STARD3NL: variants seen among roughly 807,000 people sequenced by gnomAD.
The protein encoded by STARD3NL is STARD3 N-terminal like.
A neutral mutation model predicts 30.9 loss-of-function variants in STARD3NL; 17 were observed. That is an observed-to-expected ratio of 0.55 (90% confidence interval 0.38 to 0.82). STARD3NL has a LOEUF of 0.82. Ranked by LOEUF, STARD3NL falls within the 40% of genes least tolerant of loss-of-function variation. The pLI, the probability that STARD3NL is intolerant of heterozygous loss-of-function variation, is 0.00. For missense variants in STARD3NL, 234 were observed against 277.6 expected, an observed-to-expected ratio of 0.84 and a Z score of 1.12; for synonymous variants, 112 against 100.5, an observed-to-expected ratio of 1.11 and a Z score of -0.69.
intron 1 of STARD3NL, chr7:38,198,393 A>C (rs554765123): frequency 3.3e-5 from 5 of 152,172 alleles, no homozygotes; most frequent in Non-Finnish European, 7.3e-5. Flanking sequence ...TGGTGATTCT[A>C]TATCTTTTGA....
At chr7:38,221,425 AT>A (rs1353877615) in intron 7 of STARD3NL, among the ~76,000 whole-genome samples, 1 of 151,942 alleles carries the variant, frequency 6.6e-6, no homozygotes, top group Non-Finnish European at 1.5e-5. Context: ...TGTCTAACCT[AT>A]TTTCATATTC....
intron 1 of STARD3NL, among the ~76,000 whole-genome samples, chr7:38,200,383 C>A (rs1785119432): frequency 1.3e-5 from 2 of 152,092 alleles, no homozygotes; most frequent in Non-Finnish European, 2.9e-5. Context: ...CTCGTTCTTC[C>A]CTGTTCCACT....
rs1292465124 is a variant in STARD3NL, at chr7:38,207,366, T to A, written c.-58-81T>A. On this transcript the variant is annotated intron_variant, in intron 1 of 8. Coordinates refer to ENST00000009041, the MANE Select transcript of STARD3NL (RefSeq NM_032016.4). ...GTACTCTGTTGTTCAGTTAGAGAAATAGTTGCACAGTGGAGAGGGTTGCAC... is the reference window on the plus strand; with the variant it reads ...GTACTCTGTTGTTCAGTTAGAGAAAAAGTTGCACAGTGGAGAGGGTTGCAC... 4 of 647,820 alleles carry A rather than the reference T, an allele frequency of 6.2e-6. No homozygotes were observed. In the African/African-American group the frequency reaches 7.3e-5, roughly 12 times the overall value. The allele number at this position is 647,820 out of a possible 1,614,324, so 40.1% of individuals were successfully genotyped here.
intron 7 of STARD3NL, among the ~76,000 whole-genome samples, chr7:38,223,133 G>A (rs560528264): frequency 6.6e-6 from 1 of 152,122 alleles, no homozygotes; most frequent in Admixed American, 6.5e-5. Context: ...AACTGTTGAA[G>A]AAAGGGATGA....
chr7:38,220,062 T>C (rs1265012816), intron 7 of STARD3NL, among the ~76,000 whole-genome samples: 3 of 152,336 alleles, frequency 2.0e-5, no homozygotes, highest in South Asian at 2.1e-4. Context: ...CCCGTTCTTA[T>C]GGCTCACATC....
At chr7:38,192,963 A>T (rs1331397488) in intron 1 of STARD3NL, among the ~76,000 whole-genome samples, 1 of 151,330 alleles carries the variant, frequency 6.6e-6, no homozygotes, top group African/African-American at 2.4e-5. Context: ...TATGTCAGGG[A>T]TGTGTTTCTC....
At position 38,228,825 on chromosome 7, in the gene STARD3NL, GAC is replaced by G. The variant is rs763274021; in HGVS notation, c.678_679del (p.Asp226GlufsTer2). 4 of 1,612,944 alleles carry G rather than the reference GAC, an allele frequency of 2.5e-6. No homozygotes were observed. The highest frequency in any genetic ancestry group is 3.4e-6 in the Non-Finnish European group (4 of 1,179,378). ...AGSEEAEEKQ[D>X]SEKPLLEL ...ATCTGAAGAAGCTGAAGAAAAACAG[GAC>G]AGTGAGAAACCACTTTTAGAACTAT... On this transcript the variant is annotated frameshift_variant, in exon 8 of 9. Transcript: ENST00000009041. LOFTEE classifies it high-confidence loss of function.
intron 1 of STARD3NL, among the ~76,000 whole-genome samples, chr7:38,182,016 C>T (rs1276332679): frequency 1.3e-5 from 2 of 152,198 alleles, no homozygotes; most frequent in Admixed American, 1.3e-4. Context: ...CTTCTTTTCT[C>T]ATAGCACTTT....
At chr7:38,204,959 A>G (rs1035405080) in intron 1 of STARD3NL, among the ~76,000 whole-genome samples, 1 of 152,212 alleles carries the variant, frequency 6.6e-6, no homozygotes, top group African/African-American at 2.4e-5. Context: ...CTCTGAATAG[A>G]CCAATAACAG....
intron 1 of STARD3NL, among the ~76,000 whole-genome samples, chr7:38,197,053 A>G (rs1171425289): frequency 3.3e-5 from 5 of 152,092 alleles, no homozygotes; most frequent in Non-Finnish European, 7.4e-5. Context: ...TTGGAGTGTC[A>G]CACACATGCA....
intron 1 of STARD3NL, among the ~76,000 whole-genome samples, chr7:38,183,583 TTCACTAAATAGCATTCAAAATA>T: frequency 6.6e-6 from 1 of 152,330 alleles, no homozygotes; most frequent in East Asian, 1.9e-4. Context: ...TTAGAATGAC[TTCACTAAATAGCATTCAAAATA>T]TATTGGAAAG....
At chr7:38,223,572 T>C (rs1247242509) in intron 7 of STARD3NL, among the ~76,000 whole-genome samples, 2 of 152,154 alleles carry the variant, frequency 1.3e-5, no homozygotes, top group African/African-American at 2.4e-5. Context: ...AGAGTAGCCA[T>C]GCATCCTGGT....
At chr7:38,215,377 C>A in intron 4 of STARD3NL, 1 of 458,704 alleles carries the variant, frequency 2.2e-6, no homozygotes, top group Non-Finnish European at 3.9e-6. Context: ...AAGCCACCCT[C>A]TACCTCATTT....
chr7:38,197,995 G>A (rs1379625699), intron 1 of STARD3NL, among the ~76,000 whole-genome samples: 4 of 152,198 alleles, frequency 2.6e-5, no homozygotes, highest in Non-Finnish European at 4.4e-5. Flanking sequence ...GCTGCTTCCT[G>A]CTTCCAGGGG....
chr7:38,179,470 G>T (rs1476451243), intron 1 of STARD3NL, among the ~76,000 whole-genome samples: 1 of 152,222 alleles, frequency 6.6e-6, no homozygotes, highest in Non-Finnish European at 1.5e-5. Context: ...CTGCATGAAA[G>T]AAATGAAATG....
chr7:38,216,973 T>A, intron 4 of STARD3NL, 52 bp from the exon 5 acceptor site: 1 of 1,602,378 alleles, frequency 6.2e-7, no homozygotes, highest in Non-Finnish European at 8.5e-7. Context: ...GGGAGGTACC[T>A]TCACAGTGTG....
At chr7:38,181,258 T>A (rs975238521) in intron 1 of STARD3NL, among the ~76,000 whole-genome samples, 1 of 152,222 alleles carries the variant, frequency 6.6e-6, no homozygotes, top group African/African-American at 2.4e-5. Context: ...AATCTTACGC[T>A]TAGAAGTATG....
intron 7 of STARD3NL, among the ~76,000 whole-genome samples, chr7:38,222,141 TCACACACACACACA>T (rs3223376): frequency 0.067 from 9,649 of 144,258 alleles, 1,030 homozygotes; most frequent in African/African-American, 0.23. Context: ...GTTAATATTT[TCACACACACACACA>T]CACACACACA....
intron 1 of STARD3NL, among the ~76,000 whole-genome samples, chr7:38,182,340 A>G (rs1784283159): frequency 6.6e-6 from 1 of 152,150 alleles, no homozygotes; most frequent in Non-Finnish European, 1.5e-5. Flanking sequence ...TTGGGCTATA[A>G]ATGTTGAAGG....
Sources: gnomAD v4.1 joint callset for allele counts (sites outside exome capture counted in the v4.1 genomes callset) on GRCh38, gnomAD v4.1.1 for gene constraint, MANE v1.5 for transcripts, NCBI Gene and HGNC (gene_info 2026-07-23, HGNC 2026-07-21) for gene names.